CTBP1: variants seen among roughly 807,000 people sequenced by gnomAD.
The protein encoded by CTBP1 is C-terminal binding protein 1, also known as C-terminal-binding protein 1.
Under a neutral mutation model 42.1 loss-of-function variants are expected in CTBP1, and 11 were observed. That is an observed-to-expected ratio of 0.26 (90% CI 0.16 to 0.43). The LOEUF (loss-of-function observed/expected upper bound fraction) is 0.43. Among genes scored for constraint, CTBP1 ranks in the 20% least tolerant of loss-of-function variants. The pLI is 1.00. For synonymous variants in CTBP1, 324 were observed against 277.1 expected, an observed-to-expected ratio of 1.17 and a Z score of -1.68; for missense variants, 399 against 624.3, an observed-to-expected ratio of 0.64 and a Z score of 3.85.
At chr4:1,239,037 G>A (rs936609258) in intron 2 of CTBP1, among the ~76,000 whole-genome samples, 4 of 152,194 alleles carry the variant, frequency 2.6e-5, no homozygotes, top group African/African-American at 7.2e-5. Context: ...TCCAATTATA[G>A]ATGTGAAGAG....
chr4:1,223,844 C>T (rs1194113524), intron 5 of CTBP1, among the ~76,000 whole-genome samples: 1 of 152,240 alleles, frequency 6.6e-6, no homozygotes, highest in Non-Finnish European at 1.5e-5. Context: ...AACATGCACA[C>T]GCTTGCCGCT....
At chr4:1,239,240 G>A (rs1331979487) in intron 2 of CTBP1, among the ~76,000 whole-genome samples, 1 of 152,178 alleles carries the variant, frequency 6.6e-6, no homozygotes, top group East Asian at 1.9e-4. Context: ...CAGCTTCCAG[G>A]CACCGCCCGA....
chr4:1,222,140 CG>C (rs1422126044), intron 5 of CTBP1, among the ~76,000 whole-genome samples: 2 of 152,126 alleles, frequency 1.3e-5, no homozygotes, highest in Non-Finnish European at 2.9e-5. Flanking sequence ...TGCCCAGCAC[CG>C]GCCCCGCCTG....
intron 1 of CTBP1, chr4:1,243,989 T>C: frequency 1.0e-6 from 1 of 985,250 alleles, no homozygotes; most frequent in Non-Finnish European, 1.2e-6. Context: ...GCTTCCTATT[T>C]TCCTGTAAAT....
intron 3 of CTBP1, chr4:1,236,282 A>G (rs1042696284): frequency 2.0e-5 from 6 of 306,438 alleles, no homozygotes; most frequent in Non-Finnish European, 3.1e-5. Context: ...AGCCAGACCA[A>G]CCTAGTTCTC....
intron 3 of CTBP1, among the ~76,000 whole-genome samples, chr4:1,232,638 A>C (rs57560821): frequency 0.061 from 9,359 of 152,300 alleles, 483 homozygotes; most frequent in East Asian, 0.21. Flanking sequence ...TCTAATTGCC[A>C]TTTAATTAAA....
At chr4:1,220,910 G>T (rs1729666078) in intron 5 of CTBP1, among the ~76,000 whole-genome samples, 1 of 152,230 alleles carries the variant, frequency 6.6e-6, no homozygotes, top group Non-Finnish European at 1.5e-5. Flanking sequence ...TGACCCTGGG[G>T]TAAACAGATT....
At position 1,225,551 on chromosome 4, in the gene CTBP1, T is replaced by C. The variant is rs1378437656; in HGVS notation, c.323A>G (p.Asn108Ser). Residue 108 changes from asparagine (N) to serine (S), a missense_variant, in exon 5 of 10, where the codon AAC (asparagine) becomes AGC (serine). Physicochemically the swap from Asn to Ser is conservative, Grantham distance 46 (BLOSUM62 1). This residue lies in a region of CTBP1 where 309 missense variants were observed against 497.5 expected (regional missense o/e 0.62). Coordinates refer to ENST00000382952, the MANE Select transcript of CTBP1 (RefSeq NM_001012614.2). ...CTCCTCCACAGACGCCGCGGGCACG[T>C]TGCAGACGGCAATGCCTGTGGGGAC... ...SAGDLGIAVCNVPAASVEETA... is the reference protein window; with the variant it reads ...SAGDLGIAVCSVPAASVEETA... 12 of 1,541,274 alleles carry C rather than the reference T, an allele frequency of 7.8e-6. No individual in the cohort carries two copies. The highest frequency in any genetic ancestry group is 1.4e-5 in the African/African-American group (1 of 72,990).
rs2108694983 is a variant in CTBP1, at chr4:1,212,256, G to T, written c.1274C>A (p.Ala425Asp). The T allele has an allele frequency of 2.0e-6, 3 of 1,518,704 alleles. No individual in the cohort carries two copies. Among genetic ancestry groups the T allele is most frequent in the East Asian group, 2.7e-5 (1 of 37,266 alleles). The allele number at this position is 1,518,704 out of a possible 1,614,324, so 94.1% of individuals were successfully genotyped here. Residue 425 changes from alanine (A) to aspartate (D), a missense_variant, in exon 10 of 10, where the codon GCC becomes GAC. By Grantham distance (126) the Ala-to-Asp change is moderately radical. Coordinates refer to ENST00000382952, the MANE Select transcript of CTBP1 (RefSeq NM_001012614.2). ...TVKPEADRDH[A>D]SDQL ...CCTCCCGGGCTACAACTGGTCACTG[G>T]CGTGGTCTCTATCCGCCTCGGGCTT...
At chr4:1,236,375 A>G in intron 3 of CTBP1, 1 of 511,188 alleles carries the variant, frequency 2.0e-6, no homozygotes, top group East Asian at 3.5e-5. Flanking sequence ...GACCAAAGCC[A>G]GGCCGCGGGC....
At chr4:1,226,434 C>T (rs975605231) in intron 4 of CTBP1, among the ~76,000 whole-genome samples, 1 of 151,958 alleles carries the variant, frequency 6.6e-6, no homozygotes, top group Non-Finnish European at 1.5e-5. Context: ...CAAGGGGTCC[C>T]GGGGGCCGGG....
At chr4:1,216,368 C>T (rs969013841) in intron 5 of CTBP1, 163 bp from the exon 6 acceptor site, 4 of 684,790 alleles carry the variant, frequency 5.8e-6, no homozygotes, top group South Asian at 3.8e-5. Flanking sequence ...TCCACACGAG[C>T]GCTCCACGTC....
chr4:1,244,287 C>T (rs980561662), intron 1 of CTBP1: 1 of 985,094 alleles, frequency 1.0e-6, no homozygotes, highest in Non-Finnish European at 1.2e-6. Context: ...GTTGCCCCGG[C>T]ACACTGGGGG....
chr4:1,243,583 C>T (rs952137301), intron 1 of CTBP1: 3 of 985,320 alleles, frequency 3.0e-6, no homozygotes, highest in Non-Finnish European at 3.6e-6. Flanking sequence ...ACCCACAAAG[C>T]GCCCCCTGCC....
In CTBP1 at chr4:1,211,891, A is replaced by C. The variant is rs190712719; in HGVS notation, c.*349T>G. The stretch of plus-strand genomic sequence containing the variant: ...AAAAAAAAAAAAAACAAAAAAAAAA[A>C]CCTCAAATTGACTTCCAAATGCTCC... On this transcript the variant is annotated 3_prime_UTR_variant, in exon 10 of 10. Coordinates refer to ENST00000382952, the MANE Select transcript of CTBP1 (RefSeq NM_001012614.2). 3.6e-3 allele frequency: 703 copies of C among 193,600 alleles called. 3 individuals are homozygous for C. The highest frequency in any genetic ancestry group is 0.014 in the African/African-American group (609 of 43,078). 12.0% of individuals were successfully genotyped at this position (193,600 alleles called of 1,614,324 possible). A position where few individuals can be genotyped will look rare whatever the true frequency, so the allele number is the denominator to read the frequency against.
At position 1,233,332 on chromosome 4, in the gene CTBP1, C is replaced by T. The variant is rs1265067789; in HGVS notation, c.162+4851G>A. 1.3e-5 allele frequency: 2 copies of T among 152,284 alleles called. No homozygotes were observed. The highest frequency in any genetic ancestry group is 2.9e-5 in the Non-Finnish European group (2 of 68,092). The allele number at this position is 152,284 out of a possible 1,614,324, so 9.4% of individuals were successfully genotyped here. A position where few individuals can be genotyped will look rare whatever the true frequency, so the allele number is the denominator to read the frequency against. On this transcript the variant is annotated intron_variant, in intron 3 of 9. Coordinates refer to ENST00000382952, the MANE Select transcript of CTBP1 (RefSeq NM_001012614.2). This position sits in a 1 kb window ranked among gnomAD's most constrained non-coding sequence, Gnocchi z 4.6. Reference sequence around the variant, plus strand: ...ATTTCTAATCACTTCGTTTCCTGCACAGCCCCAGCACCTCTGTCTGGCGGA... The same window carrying T: ...ATTTCTAATCACTTCGTTTCCTGCATAGCCCCAGCACCTCTGTCTGGCGGA...
At chr4:1,249,908 C>T (rs532095685), upstream of CTBP1, 166 of 183,332 alleles carry the variant, frequency 9.1e-4, no homozygotes, top group African/African-American at 3.8e-3. Context: ...GGTGAAGCCC[C>T]GACCCGGGAG....
intron 1 of CTBP1, chr4:1,245,411 G>A (rs960723815): frequency 9.1e-6 from 9 of 985,376 alleles, no homozygotes; most frequent in Non-Finnish European, 9.6e-6. Context: ...TGGGGTATCA[G>A]GGCTACACCT....
intron 5 of CTBP1, chr4:1,221,915 A>T: frequency 2.6e-6 from 1 of 377,492 alleles, no homozygotes; most frequent in South Asian, 1.9e-5. Context: ...AGGAGATGTA[A>T]GTCACGGGCA....
Sources: gnomAD v4.1 joint callset for allele counts (sites outside exome capture counted in the v4.1 genomes callset) on GRCh38, gnomAD v4.1.1 for gene constraint, gnomAD v4.1.1 regional missense constraint, Gnocchi (gnomAD v3.1) non-coding constraint, MANE v1.5 for transcripts, NCBI Gene and HGNC (gene_info 2026-07-23, HGNC 2026-07-21) for gene names.